FRMD5: variants seen among roughly 807,000 people sequenced by gnomAD.
FRMD5 encodes FERM domain containing 5, also known as FERM domain-containing protein 5.
In FRMD5, 20 loss-of-function variants were observed where a neutral mutation model predicts 69.0. That is an observed-to-expected ratio of 0.29 (90% CI 0.20 to 0.42). The LOEUF is 0.42. Ranked by LOEUF, FRMD5 falls within the 10% of genes least tolerant of loss-of-function variation. The pLI is 1.00. For missense variants in FRMD5, 595 were observed against 708.6 expected (o/e 0.84, Z 1.82); for synonymous variants, 271 against 260.1 (o/e 1.04, Z -0.40).
rs544467715 is a variant in FRMD5, at chr15:43,919,396, C to T, written c.329+63G>A. On this transcript the variant is annotated intron_variant, in intron 4 of 13. Transcript: ENST00000417257. ...CCAAATGAGAGGCTCTAAGAGGTCA[C>T]CATCCCCCTTTCCTATGCTCTCCAA... The T allele has an allele frequency of 5.6e-6, 8 of 1,417,762 alleles. No homozygotes were observed. In the South Asian group the frequency reaches 8.0e-5, roughly 14 times the overall value. The allele number at this position is 1,417,762 out of a possible 1,614,324, so 87.8% of individuals were successfully genotyped here. A position where few individuals can be genotyped will look rare whatever the true frequency, so the allele number is the denominator to read the frequency against.
At chr15:43,893,704 C>A (rs565854497) in intron 7 of FRMD5, among the ~76,000 whole-genome samples, 2 of 152,126 alleles carry the variant, frequency 1.3e-5, no homozygotes, top group African/African-American at 2.4e-5. Context: ...GGTGTGGGGG[C>A]TGAGGCTGCT....
chr15:44,001,780 T>G (rs1370141230), intron 1 of FRMD5, among the ~76,000 whole-genome samples: 2 of 151,996 alleles, frequency 1.3e-5, no homozygotes, highest in African/African-American at 4.8e-5. Flanking sequence ...CTAATTTTTT[T>G]GTATTTTTTG....
At chr15:43,883,331 C>T (rs1220048218) in intron 13 of FRMD5, among the ~76,000 whole-genome samples, 1 of 152,126 alleles carries the variant, frequency 6.6e-6, no homozygotes, top group Non-Finnish European at 1.5e-5. Context: ...CTCCTGACCT[C>T]AAGTGATCCA....
chr15:44,194,810 G>A (rs1166519402), intron 1 of FRMD5, 143 bp downstream of exon 1: 8 of 769,376 alleles, frequency 1.0e-5, no homozygotes, highest in African/African-American at 1.8e-5. Flanking sequence ...CCCTGCACTA[G>A]GGCGGTCCGC....
At chr15:44,146,442 T>C (rs2077357611) in intron 1 of FRMD5, among the ~76,000 whole-genome samples, 1 of 152,194 alleles carries the variant, frequency 6.6e-6, no homozygotes, top group African/African-American at 2.4e-5. Context: ...TTGTGACTAG[T>C]GCTGCAGTGA....
At chr15:43,937,364 T>G (rs2140478509) in intron 1 of FRMD5, among the ~76,000 whole-genome samples, 1 of 152,284 alleles carries the variant, frequency 6.6e-6, no homozygotes, top group Non-Finnish European at 1.5e-5. Context: ...GAAGTGCTCT[T>G]CGGCCAGGCG....
chr15:44,098,115 CAAAAA>C lies in FRMD5; in HGVS notation c.102+96833_102+96837del, dbSNP rs749591300. On this transcript the variant is annotated intron_variant, in intron 1 of 13. Coordinates refer to ENST00000417257, the MANE Select transcript of FRMD5 (RefSeq NM_032892.5). ...CTCCCAAAAGTTCAGAGTGACAAAA[CAAAAA>C]AAAAAAAACTAAACAACAACAACAA... is the stretch of plus-strand genomic sequence containing the variant. Among the ~76,000 whole-genome samples, 17 of 15,734 alleles carry C rather than the reference CAAAAA, an allele frequency of 1.1e-3. No homozygotes were observed. The South Asian group carries it at 0.03, about 28-fold the overall frequency. The allele number at this position is 15,734 out of a possible 152,430, so 10.3% of individuals were successfully genotyped here. A position where few individuals can be genotyped will look rare whatever the true frequency, so the allele number is the denominator to read the frequency against.
intron 1 of FRMD5, among the ~76,000 whole-genome samples, chr15:44,044,364 G>A (rs1056656124): frequency 6.6e-5 from 10 of 152,262 alleles, no homozygotes; most frequent in African/African-American, 1.7e-4. Context: ...ACAGTGTGGC[G>A]ACTCCTCTAG....
At chr15:43,976,834 T>A (rs1238933335) in intron 1 of FRMD5, among the ~76,000 whole-genome samples, 1 of 151,836 alleles carries the variant, frequency 6.6e-6, no homozygotes, top group African/African-American at 2.4e-5. Context: ...GACCAACTTT[T>A]TTTTTTTTTT....
chr15:43,995,571 C>A (rs1889881604), intron 1 of FRMD5, among the ~76,000 whole-genome samples: 1 of 152,064 alleles, frequency 6.6e-6, no homozygotes, highest in African/African-American at 2.4e-5. Context: ...CATGGGTCTG[C>A]TGAAGCAGGT....
In FRMD5 at chr15:43,979,521, C is replaced by T. The variant is rs16953744; in HGVS notation, c.103-55212G>A. ...TCTTATAAGGCTTAAAAGTGGCAGT[C>T]TTTTCTGAGATTCAAAATATGTTAT... On this transcript the variant is annotated intron_variant, in intron 1 of 13. Transcript: ENST00000417257. Among the ~76,000 whole-genome samples the T allele has an allele frequency of 6.6e-3, 1,010 of 152,246 alleles. 14 individuals carry two copies. The highest frequency in any genetic ancestry group is 0.023 in the African/African-American group (965 of 41,566).
intron 1 of FRMD5, among the ~76,000 whole-genome samples, chr15:44,075,202 C>A (rs1893707355): frequency 6.6e-6 from 1 of 152,090 alleles, no homozygotes; most frequent in African/African-American, 2.4e-5. Flanking sequence ...GATACAGAGC[C>A]ATCATAAGTA....
intron 1 of FRMD5, among the ~76,000 whole-genome samples, chr15:44,061,091 C>T (rs1893071193): frequency 6.6e-6 from 1 of 152,068 alleles, no homozygotes; most frequent in Non-Finnish European, 1.5e-5. Flanking sequence ...AAGGCAGTAC[C>T]CTCCTACATT....
chr15:44,107,034 T>G (rs1447154212), intron 1 of FRMD5, among the ~76,000 whole-genome samples: 1 of 152,202 alleles, frequency 6.6e-6, no homozygotes, highest in Non-Finnish European at 1.5e-5. Context: ...TTAGCATTTT[T>G]TGAAAATATC....
chr15:43,880,711 G>C (rs926465151), intron 13 of FRMD5, among the ~76,000 whole-genome samples: 1 of 152,206 alleles, frequency 6.6e-6, no homozygotes, highest in Non-Finnish European at 1.5e-5. Context: ...TTGGGCACAG[G>C]GTGTGAGAAG....
At chr15:43,911,049 C>T (rs1360699064) in intron 4 of FRMD5, among the ~76,000 whole-genome samples, 3 of 152,204 alleles carry the variant, frequency 2.0e-5, no homozygotes, top group Non-Finnish European at 4.4e-5. Flanking sequence ...GATGACTTTC[C>T]ATTTTGAAAT....
At chr15:44,192,678 GA>G (rs2140620356) in intron 1 of FRMD5, among the ~76,000 whole-genome samples, 1 of 152,254 alleles carries the variant, frequency 6.6e-6, no homozygotes, top group East Asian at 1.9e-4. Flanking sequence ...GCTACATGCA[GA>G]AAATGTTAAT....
intron 1 of FRMD5, among the ~76,000 whole-genome samples, chr15:44,076,088 G>A (rs1893750679): frequency 6.6e-6 from 1 of 152,088 alleles, no homozygotes; most frequent in Non-Finnish European, 1.5e-5. Flanking sequence ...TGAGTAGGTT[G>A]CGAAAATTTT....
intron 1 of FRMD5, among the ~76,000 whole-genome samples, chr15:43,966,111 C>T (rs941783226): frequency 3.3e-5 from 5 of 151,966 alleles, no homozygotes; most frequent in South Asian, 2.1e-4. Context: ...CGGTGACTTA[C>T]GCCTGTCACC....
Sources: allele counts gnomAD v4.1 joint callset (sites outside exome capture counted in the v4.1 genomes callset), GRCh38; gene constraint gnomAD v4.1.1; transcripts MANE v1.5; gene names NCBI Gene and HGNC (gene_info 2026-07-23, HGNC 2026-07-21).